Variants in GHR observed in about 807,000 individuals in gnomAD.
The protein encoded by GHR is GH receptor.
Under a neutral mutation model 67.1 loss-of-function variants are expected in GHR, and 35 were observed. The ratio of observed to expected loss-of-function variants is 0.52; its 90% CI spans 0.40 to 0.69. The LOEUF (loss-of-function observed/expected upper bound fraction) is 0.69, where lower values mean the gene tolerates loss of function less well. Among genes scored for constraint, GHR ranks in the 30% least tolerant of loss-of-function variants. The probability of loss-of-function intolerance (pLI) is 0.00; values close to 1 mark genes in which losing one functional copy is unlikely to be tolerated. For synonymous variants in GHR, 272 were observed against 269.1 expected (o/e 1.01, Z -0.10); for missense variants, 792 against 764.6 (o/e 1.04, Z -0.42).
Position 42,470,725 on chromosome 5 carries a change from T to C in GHR, c.-12+46770T>C, listed in dbSNP as rs111713727. Among the ~76,000 whole-genome samples, 684 of 152,256 alleles carry C rather than the reference T, an allele frequency of 4.5e-3. 9 individuals carry two copies. Among genetic ancestry groups the C allele is most frequent in the South Asian group, 0.011 (51 of 4,820 alleles). ...AGGATCTTGCTTTCCATGAGGTCCA[T>C]TGTTAAATGGAAATGTTCCCCTGGC... On this transcript the variant is annotated intron_variant, in intron 1 of 9. Coordinates refer to ENST00000230882, the MANE Select transcript of GHR (RefSeq NM_000163.5).
At chr5:42,661,557 G>A (rs1755624633) in intron 3 of GHR, among the ~76,000 whole-genome samples, 2 of 152,162 alleles carry the variant, frequency 1.3e-5, no homozygotes, top group Admixed American at 1.3e-4. Context: ...CAAATGCTGA[G>A]AGATTTTGTC....
At chr5:42,686,265 T>G (rs1489043611) in intron 3 of GHR, among the ~76,000 whole-genome samples, 2 of 152,228 alleles carry the variant, frequency 1.3e-5, no homozygotes, top group Non-Finnish European at 2.9e-5. Context: ...TGTGTGGTGT[T>G]ATTTCTGAGG....
chr5:42,447,699 CTA>C (rs1743868354), intron 1 of GHR, among the ~76,000 whole-genome samples: 1 of 135,278 alleles, frequency 7.4e-6, no homozygotes, highest in African/African-American at 2.8e-5. Context: ...CTCCCTCCCT[CTA>C]TCTCTCCCTC....
At chr5:42,703,017 T>A (rs948742485) in intron 6 of GHR, among the ~76,000 whole-genome samples, 1 of 152,104 alleles carries the variant, frequency 6.6e-6, no homozygotes, top group African/African-American at 2.4e-5. Flanking sequence ...GTCTTTTTAC[T>A]CTGTTGATTG....
intron 1 of GHR, among the ~76,000 whole-genome samples, chr5:42,426,224 T>G (rs568710339): frequency 6.6e-5 from 10 of 152,304 alleles, no homozygotes; most frequent in African/African-American, 2.4e-4. Flanking sequence ...GGAGCCACAG[T>G]TGCAGCGTGC....
At chr5:42,562,577 G>A (rs1231669733) in intron 1 of GHR, among the ~76,000 whole-genome samples, 1 of 141,716 alleles carries the variant, frequency 7.1e-6, no homozygotes, top group Non-Finnish European at 1.5e-5. Context: ...ATTCTTGTTT[G>A]TTTTTTGTTT....
chr5:42,583,217 G>C (rs993152856), intron 2 of GHR, among the ~76,000 whole-genome samples: 1 of 152,222 alleles, frequency 6.6e-6, no homozygotes, highest in African/African-American at 2.4e-5. Flanking sequence ...ACATGAGTCT[G>C]AAGATTAACC....
rs1742812518 is a variant in GHR at position 42,425,487 on chromosome 5, C to CAATGTTTAA, written c.-12+1532_-12+1533insAATGTTTAA. Among the ~76,000 whole-genome samples, 10 of 151,676 alleles carry CAATGTTTAA rather than the reference C, an allele frequency of 6.6e-5. No homozygotes were observed. In the South Asian group the frequency reaches 2.1e-3, roughly 31 times the overall value. ...TTTTTCTGATGATAAATGTTGAAACCTTTCCAGAAATTAAAATGCTGGATA... is the reference window on the plus strand; with the variant it reads ...TTTTTCTGATGATAAATGTTGAAACCAATGTTTAATTTCCAGAAATTAAAATGCTGGATA... On this transcript the variant is annotated intron_variant, in intron 1 of 9. Coordinates refer to ENST00000230882, the MANE Select transcript of GHR (RefSeq NM_000163.5).
chr5:42,477,063 T>A (rs1745365980), intron 1 of GHR, among the ~76,000 whole-genome samples: 1 of 125,982 alleles, frequency 7.9e-6, no homozygotes. Flanking sequence ...CCCCAGTGTG[T>A]GATGTTCCCC....
intron 8 of GHR, among the ~76,000 whole-genome samples, chr5:42,716,249 T>A (rs1355754526): frequency 6.6e-6 from 1 of 151,970 alleles, no homozygotes; most frequent in Non-Finnish European, 1.5e-5. Context: ...GTTCTCTGGG[T>A]TTGAGCCCCA....
At chr5:42,467,469 G>A in intron 1 of GHR, 3 of 989,402 alleles carry the variant, frequency 3.0e-6, no homozygotes, top group Non-Finnish European at 3.2e-6. Context: ...TACATTTACA[G>A]CATTTTTCTG....
At chr5:42,565,232 G>T (rs2112474662) in intron 1 of GHR, among the ~76,000 whole-genome samples, 1 of 152,258 alleles carries the variant, frequency 6.6e-6, no homozygotes, top group African/African-American at 2.4e-5. Context: ...TATTCCTCAT[G>T]AAAATAAAAC....
intron 1 of GHR, among the ~76,000 whole-genome samples, chr5:42,533,691 CTATTTT>C (rs1401824080): frequency 6.6e-6 from 1 of 151,356 alleles, no homozygotes; most frequent in Non-Finnish European, 1.5e-5. Flanking sequence ...TTATTCTATT[CTATTTT>C]TATTTTTCCA....
At chr5:42,517,783 AC>A (rs1319641960) in intron 1 of GHR, among the ~76,000 whole-genome samples, 1 of 148,536 alleles carries the variant, frequency 6.7e-6, no homozygotes, top group African/African-American at 2.5e-5. Context: ...CTCATAGTGG[AC>A]TTTTTTTTTT....
At chr5:42,481,562 T>C (rs966304298) in intron 1 of GHR, among the ~76,000 whole-genome samples, 2 of 152,326 alleles carry the variant, frequency 1.3e-5, no homozygotes, top group African/African-American at 4.8e-5. Flanking sequence ...CATAGTCCCA[T>C]ATTTCTTGGA....
At chr5:42,712,336 A>G (rs1372632777) in intron 7 of GHR, among the ~76,000 whole-genome samples, 1 of 151,962 alleles carries the variant, frequency 6.6e-6, no homozygotes, top group Admixed American at 6.6e-5. Flanking sequence ...TAAAAGTACA[A>G]TAGCTATACA....
chr5:42,606,906 C>G (rs1287587224), intron 2 of GHR, among the ~76,000 whole-genome samples: 1 of 151,910 alleles, frequency 6.6e-6, no homozygotes, highest in Non-Finnish European at 1.5e-5. Context: ...TCTCTGTGGT[C>G]CAGAGATAAT....
chr5:42,432,801 G>A (rs1483282742), intron 1 of GHR, among the ~76,000 whole-genome samples: 2 of 152,186 alleles, frequency 1.3e-5, no homozygotes, highest in Non-Finnish European at 2.9e-5. Flanking sequence ...TACTTTCATA[G>A]TTCATTCTTT....
intron 2 of GHR, among the ~76,000 whole-genome samples, chr5:42,577,699 A>G (rs1455327131): frequency 2.6e-5 from 4 of 152,200 alleles, no homozygotes; most frequent in Non-Finnish European, 5.9e-5. Context: ...ACATTTTGTA[A>G]AAGAGTTCAG....
Sources: gnomAD v4.1 joint callset for allele counts (sites outside exome capture counted in the v4.1 genomes callset) on GRCh38, gnomAD v4.1.1 for gene constraint, MANE v1.5 for transcripts, NCBI Gene and HGNC (gene_info 2026-07-23, HGNC 2026-07-21) for gene names.